The following OGDHL variants were observed in gnomAD, a reference collection of about 807,000 sequenced individuals.
The protein encoded by OGDHL is oxoglutarate dehydrogenase L.
OGDHL carries 79 observed loss-of-function variants against 109.6 expected under a neutral mutation model. The ratio of observed to expected loss-of-function variants is 0.72; its 90% CI spans 0.60 to 0.87. The LOEUF (loss-of-function observed/expected upper bound fraction) is 0.87. OGDHL is among the 40% of genes least tolerant of loss of function. OGDHL has a pLI of 0.00. For synonymous variants in OGDHL, 528 were observed against 537.2 expected, an observed-to-expected ratio of 0.98 and a Z score of 0.24; for missense variants, 1,275 against 1,362.2, an observed-to-expected ratio of 0.94 and a Z score of 1.01.
intron 1 of OGDHL, among the ~76,000 whole-genome samples, chr10:49,761,510 A>C (rs1210804835): frequency 6.6e-6 from 1 of 152,242 alleles, no homozygotes; most frequent in African/African-American, 2.4e-5. Flanking sequence ...CTTTCTGAGA[A>C]GCAGATGAGC....
chr10:49,751,141 G>A (rs1003806250), intron 6 of OGDHL, among the ~76,000 whole-genome samples, 156 bp from the exon 7 acceptor site: 5 of 152,056 alleles, frequency 3.3e-5, no homozygotes, highest in Non-Finnish European at 7.4e-5. Flanking sequence ...GGCCCACCAT[G>A]GATACACCTG....
intron 12 of OGDHL, 76 bp from the exon 13 acceptor site, chr10:49,744,828 A>T: frequency 8.4e-7 from 1 of 1,189,030 alleles, no homozygotes; most frequent in East Asian, 2.3e-5. Flanking sequence ...TGGACTCGTA[A>T]GTCCTGGTCC....
rs1441559741 is a variant in OGDHL at position 49,762,262 on chromosome 10, C to G, written c.-25G>C. On this transcript the variant is annotated 5_prime_UTR_variant, in exon 1 of 23. Transcript: ENST00000374103. ...ACCGGGCGGGCGGGCCGGGTCCGCGCTGCAGCGAGGTCCGGAGGCTGCAGG... is the reference window on the plus strand; with the variant it reads ...ACCGGGCGGGCGGGCCGGGTCCGCGGTGCAGCGAGGTCCGGAGGCTGCAGG... The G allele has an allele frequency of 6.6e-6, 1 of 152,204 alleles. No individual in the cohort carries two copies. Among genetic ancestry groups the G allele is most frequent in the Non-Finnish European group, 1.5e-5 (1 of 68,062 alleles). 9.4% of individuals were successfully genotyped at this position (152,204 alleles called of 1,614,324 possible).
Position 49,752,211 on chromosome 10 carries a change from C to A in OGDHL, c.516G>T (p.Glu172Asp), listed in dbSNP as rs144548346. 1 of 1,613,984 alleles carries A rather than the reference C, an allele frequency of 6.2e-7. No individual in the cohort carries two copies. The highest frequency in any genetic ancestry group is 2.2e-5 in the East Asian group (1 of 44,884). The change falls in exon 5 of 23, where the codon GAG (glutamate) becomes GAT (aspartate). Residue 172 changes from glutamate to aspartate, a missense_variant. Coordinates refer to ENST00000374103, the MANE Select transcript of OGDHL (RefSeq NM_018245.3). ...YDLQEADLDKEFQLPTTTFIG... is the reference protein window; with the variant it reads ...YDLQEADLDKDFQLPTTTFIG... The stretch of plus-strand genomic sequence containing the variant: ...TGAAGGTGGTTGTCGGCAGCTGGAA[C>A]TCCTTATCAAGGTCAGCCTCCTGAA...
chr10:49,750,909 C>T lies in OGDHL; in HGVS notation c.826G>A (p.Ala276Thr). The change falls in exon 7 of 23, where the codon GCC (alanine) becomes ACC (threonine). Residue 276 changes from alanine to threonine, a missense_variant. Transcript: ENST00000374103. Reference protein sequence around the residue: ...GLEGCEVMIPALKTIIDKSSE... With the variant: ...GLEGCEVMIPTLKTIIDKSSE... ...GATTTGTCGATGATGGTCTTGAGGG[C>T]AGGAATCATCACTTCACAGCCCTCC... The T allele has an allele frequency of 6.2e-7, 1 of 1,612,562 alleles. No individual in the cohort carries two copies. The highest frequency in any genetic ancestry group is 8.5e-7 in the Non-Finnish European group (1 of 1,179,282).
In OGDHL at chr10:49,745,938, G is replaced by A. The variant is rs1842149611; in HGVS notation, c.1336C>T (p.Pro446Ser). Residue 446 changes from proline to serine, a missense_variant, in exon 11 of 23, where the codon CCA (proline) becomes TCA (serine). Pro to Ser is a moderately conservative substitution (Grantham distance 74). Coordinates refer to ENST00000374103, the MANE Select transcript of OGDHL (RefSeq NM_018245.3). ...TTDPRMARSS[P>S]YPTDVARVVN... ...ACCCGGGCCACGTCGGTCGGGTATG[G>A]TGAGGAGCGGGCCATTCGGGGGTCT... The A allele has an allele frequency of 1.9e-6, 3 of 1,614,112 alleles. No individual in the cohort carries two copies. The African/African-American group carries it at 4.0e-5, about 22-fold the overall frequency.
rs767560766 is a variant in OGDHL, at chr10:49,735,360, G to C, written c.2910-9C>G. ...GGTCCCGGCCAACATACCTGGAGGA[G>C]GAGAGACAAGCTAAGGGGAAGGCGG... On this transcript the variant is annotated splice_polypyrimidine_tract_variant and intron_variant, in intron 22 of 22. Coordinates refer to ENST00000374103, the MANE Select transcript of OGDHL (RefSeq NM_018245.3). 16 of 1,611,574 alleles carry C rather than the reference G, an allele frequency of 9.9e-6. No homozygotes were observed. In the Admixed American group the frequency reaches 1.5e-4, roughly 15 times the overall value.
rs200247594 is a variant in OGDHL, at chr10:49,740,887, C to T, written c.2013-50G>A. On this transcript the variant is annotated intron_variant, in intron 15 of 22. Coordinates refer to ENST00000374103, the MANE Select transcript of OGDHL (RefSeq NM_018245.3). ...GGACAGAGGGCAGGTGGGCTGGCAC[C>T]TGTTCACCTGGAGCAGGGGAGCTGG... 3.6e-4 allele frequency: 578 copies of T among 1,608,604 alleles called. 1 individual carries two copies. Among genetic ancestry groups the T allele is most frequent in the Non-Finnish European group, 4.2e-4 (494 of 1,177,046 alleles).
Position 49,742,981 on chromosome 10 carries a change from G to A in OGDHL, c.1862-3C>T. 1.2e-6 allele frequency: 2 copies of A among 1,612,244 alleles called. No individual in the cohort carries two copies. Among genetic ancestry groups the A allele is most frequent in the Non-Finnish European group, 1.7e-6 (2 of 1,179,858 alleles). On this transcript the variant is annotated splice_region_variant and splice_polypyrimidine_tract_variant and intron_variant, in intron 14 of 22. Transcript: ENST00000374103. ...GCCCCGCAGAATGCGAGAGAGGCCT[G>A]TGGGAAAGGAGTGCTGGCCTGAGGG...
chr10:49,756,166 G>A (rs978037672), intron 3 of OGDHL, among the ~76,000 whole-genome samples: 4 of 152,210 alleles, frequency 2.6e-5, no homozygotes, highest in Non-Finnish European at 5.9e-5. Flanking sequence ...CCTCCTGCCA[G>A]CAGTTCCCAG....
Position 49,751,963 on chromosome 10 carries a change from T to C in OGDHL, c.613A>G (p.Ile205Val). 1 of 1,614,108 alleles carries C rather than the reference T, an allele frequency of 6.2e-7. No homozygotes were observed. Among genetic ancestry groups the C allele is most frequent in the Non-Finnish European group, 8.5e-7 (1 of 1,180,012 alleles). Residue 205 changes from isoleucine (I) to valine (V), a missense_variant, in exon 6 of 23, where the codon ATT (isoleucine) becomes GTT (valine). Transcript: ENST00000374103. ...TTGATGAACATGAACTCCAGGCCAA[T>C]GTGCTGGCAGTAGGTGTTCTGGGGA... ...RRLENTYCQH[I>V]GLEFMFINDV...
At chr10:49,760,580 T>C (rs184339902) in intron 1 of OGDHL, among the ~76,000 whole-genome samples, 110 of 152,306 alleles carry the variant, frequency 7.2e-4, no homozygotes, top group African/African-American at 2.5e-3. Flanking sequence ...GGAAACTAGA[T>C]ATCAAGACCA....
At chr10:49,747,231 G>A in intron 8 of OGDHL, 23 bp from the exon 9 acceptor site, 1 of 1,609,680 alleles carries the variant, frequency 6.2e-7, no homozygotes, top group Non-Finnish European at 8.5e-7. Context: ...ATGGGAACAT[G>A]ATGGATCCTC....
intron 15 of OGDHL, among the ~76,000 whole-genome samples, chr10:49,742,376 AATACACACCACACCCCC>A (rs1564531617): frequency 5.0e-4 from 40 of 79,990 alleles, no homozygotes; most frequent in East Asian, 1.5e-3. Context: ...CACACCCACA[AATACACACCACACCCCC>A]ACACACACCA....
intron 14 of OGDHL, 48 bp downstream of exon 14, chr10:49,743,946 T>C: frequency 5.0e-6 from 8 of 1,595,256 alleles, no homozygotes; most frequent in Non-Finnish European, 6.0e-6. Context: ...AGGCACAGTG[T>C]TGGGGTGGGG....
intron 3 of OGDHL, among the ~76,000 whole-genome samples, chr10:49,753,605 T>C (rs1298590474): frequency 6.6e-6 from 1 of 152,328 alleles, no homozygotes; most frequent in East Asian, 1.9e-4. Context: ...AGAATTGTTA[T>C]GCTGGCTGGG....
chr10:49,745,096 G>A (rs755519171), intron 12 of OGDHL, among the ~76,000 whole-genome samples: 5 of 152,230 alleles, frequency 3.3e-5, no homozygotes, highest in Non-Finnish European at 5.9e-5. Flanking sequence ...CCTACAGGAA[G>A]CCTTCCCGCA....
At chr10:49,753,888 T>TAA (rs63200161) in intron 3 of OGDHL, among the ~76,000 whole-genome samples, 42 of 87,218 alleles carry the variant, frequency 4.8e-4, no homozygotes, top group East Asian at 8.1e-4. Context: ...AAACTCCATC[T>TAA]AAAAAAAAAA....
rs187521121 is a variant in OGDHL at position 49,743,223 on chromosome 10, C to T, written c.1862-245G>A. Among the ~76,000 whole-genome samples, 192 of 152,356 alleles carry T rather than the reference C, an allele frequency of 1.3e-3. 3 individuals are homozygous for T. The highest frequency in any genetic ancestry group is 4.0e-3 in the African/African-American group (166 of 41,588). On this transcript the variant is annotated intron_variant, in intron 14 of 22. Transcript: ENST00000374103. ...CAAGCATTGGCCACGTTGCAGACAC[C>T]GTCAGGCTCAGAGTCATTTACTCAG...
Sources: allele counts gnomAD v4.1 joint callset (sites outside exome capture counted in the v4.1 genomes callset), GRCh38; gene constraint gnomAD v4.1.1; transcripts MANE v1.5; gene names NCBI Gene and HGNC (gene_info 2026-07-23, HGNC 2026-07-21).